The following CELSR1 variants were observed in gnomAD, a reference collection of about 807,000 sequenced individuals.
CELSR1 encodes the protein cadherin EGF LAG seven-pass G-type receptor 1.
CELSR1 carries 110 observed loss-of-function variants against 249.1 expected under a neutral mutation model. That is an observed-to-expected ratio of 0.44 (90% CI 0.38 to 0.52). The LOEUF is 0.52. Among genes scored for constraint, CELSR1 ranks in the 20% least tolerant of loss-of-function variants. CELSR1 has a pLI of 0.00. For missense variants in CELSR1, 4,109 were observed against 4,296.4 expected, an observed-to-expected ratio of 0.96 and a Z score of 1.22; for synonymous variants, 2,113 against 1,900.0, an observed-to-expected ratio of 1.11 and a Z score of -2.92.
At chr22:46,382,364 GC>G in intron 20 of CELSR1, among the ~76,000 whole-genome samples, 1 of 152,020 alleles carries the variant, frequency 6.6e-6, no homozygotes, top group Non-Finnish European at 1.5e-5. Flanking sequence ...TGCAAGCTCC[GC>G]CTCCCGGGTT....
At chr22:46,489,684 A>T (rs2080348869) in intron 1 of CELSR1, among the ~76,000 whole-genome samples, 1 of 152,116 alleles carries the variant, frequency 6.6e-6, no homozygotes, top group Non-Finnish European at 1.5e-5. Context: ...AGGCCGAGAC[A>T]GGTGGATCAC....
chr22:46,515,793 G>A (rs1033905993), intron 1 of CELSR1, among the ~76,000 whole-genome samples: 10 of 152,198 alleles, frequency 6.6e-5, no homozygotes, highest in Non-Finnish European at 1.0e-4. Context: ...GATACACCAG[G>A]ACATTCCGCC....
Position 46,434,740 on chromosome 22 carries a change from T to C in CELSR1, c.4523-1259A>G. Among the ~76,000 whole-genome samples the C allele has an allele frequency of 6.6e-6, 1 of 152,154 alleles. No individual in the cohort carries two copies. Among genetic ancestry groups the C allele is most frequent in the East Asian group, 1.9e-4 (1 of 5,192 alleles). The stretch of plus-strand genomic sequence containing the variant: ...GGCTGAGCCTGGTGGCTCACATCTG[T>C]AATCCCAGCACTTTGGGAGGCCAAG... On this transcript the variant is annotated intron_variant, in intron 4 of 34. Coordinates refer to ENST00000674500, the MANE Select transcript of CELSR1 (RefSeq NM_001378328.1). The surrounding 1 kb of genome is among the most constrained non-coding windows in gnomAD (Gnocchi z 4.9).
rs773345735 is a variant in CELSR1, at chr22:46,536,266, G to C, written c.905C>G (p.Thr302Arg). The C allele has an allele frequency of 1.2e-6, 2 of 1,612,314 alleles. No individual in the cohort carries two copies. The highest frequency in any genetic ancestry group is 1.1e-5 in the South Asian group (1 of 91,068). ...SRGYFRIDSA[T>R]GAVSTDSVLD... ...TACGCTGTCCGTGCTCACGGCGCCC[G>C]TGGCAGAGTCGATTCGGAAGTAGCC... The change falls in exon 1 of 35, where the codon ACG (threonine) becomes AGG (arginine). Residue 302 changes from threonine to arginine, a missense_variant. Coordinates refer to ENST00000674500, the MANE Select transcript of CELSR1 (RefSeq NM_001378328.1).
Position 46,366,470 on chromosome 22 carries a change from T to A in CELSR1, c.8216A>T (p.Asn2739Ile). 6.5e-7 allele frequency: 1 copy of A among 1,550,146 alleles called. No individual in the cohort carries two copies. The highest frequency in any genetic ancestry group is 8.7e-7 in the Non-Finnish European group (1 of 1,146,638). The change falls in exon 30 of 35, where the codon AAC (asparagine) becomes ATC (isoleucine). Residue 2739 changes from asparagine (N) to isoleucine (I), a missense_variant. Transcript: ENST00000674500. ...CCCGTCACCGAAGGTGGTGTTGCAGTTGAGGGAGCGCTGAAGGGAGGGGAG... is the reference window on the plus strand; with the variant it reads ...CCCGTCACCGAAGGTGGTGTTGCAGATGAGGGAGCGCTGAAGGGAGGGGAG... ...TRATLLTRSL[N>I]CNTTFGDGPD...
At chr22:46,529,289 T>C (rs1411770432) in intron 1 of CELSR1, among the ~76,000 whole-genome samples, 1 of 151,402 alleles carries the variant, frequency 6.6e-6, no homozygotes, top group East Asian at 1.9e-4. Context: ...AATGAGATCC[T>C]GTCATTTGCA....
chr22:46,409,032 C>G lies in CELSR1; in HGVS notation c.5190G>C (p.Glu1730Asp), dbSNP rs372070030. Residue 1730 changes from glutamate to aspartate, a missense_variant, in exon 9 of 35, where the codon GAG (glutamate) becomes GAC (aspartate). Glu to Asp is a conservative substitution (Grantham distance 45, BLOSUM62 2). Around this residue, in one of 7 missense-constraint regions of CELSR1, gnomAD observed 1,805 missense variants for 1,831.6 expected, o/e 0.99. Transcript: ENST00000674500. This position sits in a 1 kb window ranked among gnomAD's most constrained non-coding sequence, Gnocchi z 9.8. ...AGCTGGTGGGCCCACCACTGGTGGCCTCCATCAGAACGCTGTCCTCCTTCC... is the reference window on the plus strand; with the variant it reads ...AGCTGGTGGGCCCACCACTGGTGGCGTCCATCAGAACGCTGTCCTCCTTCC... Reference protein sequence around the residue: ...RTRKEDSVLMEATSGGPTSFR... With the variant: ...RTRKEDSVLMDATSGGPTSFR... 1.9e-6 allele frequency: 3 copies of G among 1,612,546 alleles called. No homozygotes were observed. Among genetic ancestry groups the G allele is most frequent in the Non-Finnish European group, 2.5e-6 (3 of 1,179,538 alleles).
In CELSR1 at chr22:46,396,922, G is replaced by C. The variant is rs2079154038; in HGVS notation, c.5702-176C>G. Among the ~76,000 whole-genome samples, 1 of 152,200 alleles carries C rather than the reference G, an allele frequency of 6.6e-6. No individual in the cohort carries two copies. Among genetic ancestry groups the C allele is most frequent in the African/African-American group, 2.4e-5 (1 of 41,454 alleles). On this transcript the variant is annotated intron_variant, in intron 12 of 34. Coordinates refer to ENST00000674500, the MANE Select transcript of CELSR1 (RefSeq NM_001378328.1). The surrounding 1 kb of genome is among the most constrained non-coding windows in gnomAD (Gnocchi z 6.4). The stretch of plus-strand genomic sequence containing the variant: ...CACAGCGTTAGGCGGGTTAGACTTA[G>C]TGATGCAGAGAGGAAGGCCTTCCCG...
Position 46,409,755 on chromosome 22 carries a change from C to G in CELSR1, c.5059G>C (p.Ala1687Pro), listed in dbSNP as rs2079310258. The G allele has an allele frequency of 6.2e-7, 1 of 1,613,148 alleles. No individual in the cohort carries two copies. ...GGGATGGACGACGCCGGCCACTCACCTTGCTCACAGTTCTTCCCGCCGAAT... is the reference window on the plus strand; with the variant it reads ...GGGATGGACGACGCCGGCCACTCACGTTGCTCACAGTTCTTCCCGCCGAAT... Reference protein sequence around the residue: ...LRFGGKNCEQAMPHPQLFSGE... With the variant: ...LRFGGKNCEQPMPHPQLFSGE... Residue 1687 changes from alanine to proline, a missense_variant and splice_region_variant, in exon 8 of 35, where the codon GCC becomes CCC. Ala to Pro is a conservative substitution (Grantham distance 27). Coordinates refer to ENST00000674500, the MANE Select transcript of CELSR1 (RefSeq NM_001378328.1). The surrounding 1 kb of genome is among the most constrained non-coding windows in gnomAD (Gnocchi z 9.8).
At chr22:46,513,281 A>C (rs1261047425) in intron 1 of CELSR1, among the ~76,000 whole-genome samples, 1 of 152,184 alleles carries the variant, frequency 6.6e-6, no homozygotes, top group African/African-American at 2.4e-5. Flanking sequence ...CACAGGGAAG[A>C]GTGTTCATGA....
rs964965322 is a variant in CELSR1 at position 46,362,966 on chromosome 22, C to T, written c.*257G>A. On this transcript the variant is annotated 3_prime_UTR_variant, in exon 35 of 35. Coordinates refer to ENST00000674500, the MANE Select transcript of CELSR1 (RefSeq NM_001378328.1). ...GTGCTGGCCCAGTGGTCCACGCCTC[C>T]CTCATGCCTGTGGCCTTTGGCACTT... is the stretch of plus-strand genomic sequence containing the variant. 232 of 640,794 alleles carry T rather than the reference C, an allele frequency of 3.6e-4. No individual in the cohort carries two copies. In the African/African-American group the frequency reaches 3.8e-3, roughly 10 times the overall value. The allele number at this position is 640,794 out of a possible 1,614,324, so 39.7% of individuals were successfully genotyped here.
Position 46,391,344 on chromosome 22 carries a change from A to C in CELSR1, c.6149-57T>G. 1.4e-6 allele frequency: 2 copies of C among 1,473,214 alleles called. No homozygotes were observed. Among genetic ancestry groups the C allele is most frequent in the South Asian group, 2.3e-5 (2 of 86,550 alleles). The allele number at this position is 1,473,214 out of a possible 1,614,324, so 91.3% of individuals were successfully genotyped here. ...GGGGCACGCCACACCCACGACCACA[A>C]ACAGGCACCACTGTCTGCATGCGCC... is the stretch of plus-strand genomic sequence containing the variant. On this transcript the variant is annotated intron_variant, in intron 15 of 34. Coordinates refer to ENST00000674500, the MANE Select transcript of CELSR1 (RefSeq NM_001378328.1). This position sits in a 1 kb window ranked among gnomAD's most constrained non-coding sequence, Gnocchi z 4.3.
At chr22:46,455,747 G>A (rs965673788) in intron 2 of CELSR1, among the ~76,000 whole-genome samples, 4 of 152,200 alleles carry the variant, frequency 2.6e-5, no homozygotes, top group African/African-American at 7.2e-5. Flanking sequence ...GCCTGCACAC[G>A]CCGCACAGGA....
chr22:46,426,087 C>A (rs957695713), intron 5 of CELSR1, among the ~76,000 whole-genome samples: 1 of 97,834 alleles, frequency 1.0e-5, no homozygotes, highest in African/African-American at 6.5e-5. Flanking sequence ...CTGCTGGAGT[C>A]GGCTAGTACC....
rs2079313419 is a variant in CELSR1, at chr22:46,409,945, ACGTGG to A, written c.4934-70_4934-66del. 6.3e-7 allele frequency: 1 copy of A among 1,596,002 alleles called. No individual in the cohort carries two copies. The highest frequency in any genetic ancestry group is 8.5e-7 in the Non-Finnish European group (1 of 1,176,004). On this transcript the variant is annotated intron_variant, in intron 7 of 34. Coordinates refer to ENST00000674500, the MANE Select transcript of CELSR1 (RefSeq NM_001378328.1). This position sits in a 1 kb window ranked among gnomAD's most constrained non-coding sequence, Gnocchi z 9.8. The stretch of plus-strand genomic sequence containing the variant: ...AACCGCCCGGGGTCCCCGGCGCCAG[ACGTGG>A]CGTGGGAAACCAGGACGGAATGGAC...
intron 1 of CELSR1, among the ~76,000 whole-genome samples, chr22:46,499,185 T>TAAAAAA (rs10606942): frequency 7.6e-6 from 1 of 130,962 alleles, no homozygotes; most frequent in Non-Finnish European, 1.6e-5. Context: ...GTTGCAAATC[T>TAAAAAA]AAAAAAAAAA....
chr22:46,523,555 T>TAAATAAATA (rs1381881715), intron 1 of CELSR1, among the ~76,000 whole-genome samples: 4 of 114,382 alleles, frequency 3.5e-5, no homozygotes, highest in African/African-American at 1.1e-4. Flanking sequence ...AATAAATAAA[T>TAAATAAATA]AAATAAAATA....
At chr22:46,452,163 G>T (rs2147525466) in intron 2 of CELSR1, among the ~76,000 whole-genome samples, 1 of 152,258 alleles carries the variant, frequency 6.6e-6, no homozygotes, top group Non-Finnish European at 1.5e-5. Context: ...AGTCCTAGGA[G>T]AACGAGGCCC....
Position 46,500,180 on chromosome 22 carries a change from T to A in CELSR1, c.3544+33447A>T, listed in dbSNP as rs1393780486. The stretch of plus-strand genomic sequence containing the variant: ...CCAGCCCCTGGTCCTCCCAGCATGA[T>A]CCCACCCCAGCCCCTGGTCCTCCCA... On this transcript the variant is annotated intron_variant, in intron 1 of 34. Coordinates refer to ENST00000674500, the MANE Select transcript of CELSR1 (RefSeq NM_001378328.1). This position sits in a 1 kb window ranked among gnomAD's most constrained non-coding sequence, Gnocchi z 4.9. Among the ~76,000 whole-genome samples, 1 of 128,770 alleles carries A rather than the reference T, an allele frequency of 7.8e-6. No homozygotes were observed. The highest frequency in any genetic ancestry group is 1.6e-5 in the Non-Finnish European group (1 of 63,474). The allele number at this position is 128,770 out of a possible 152,430, so 84.5% of individuals were successfully genotyped here.
Sources: gnomAD v4.1 joint callset for allele counts (sites outside exome capture counted in the v4.1 genomes callset) on GRCh38, gnomAD v4.1.1 for gene constraint, gnomAD v4.1.1 regional missense constraint, Gnocchi (gnomAD v3.1) non-coding constraint, MANE v1.5 for transcripts, NCBI Gene and HGNC (gene_info 2026-07-23, HGNC 2026-07-21) for gene names.